Variants in GBP2 observed in about 807,000 individuals in gnomAD.
GBP2 encodes guanylate-binding protein 2.
A neutral mutation model predicts 60.8 loss-of-function variants in GBP2; 54 were observed. The observed-to-expected ratio is 0.89, with a 90% CI of 0.71 to 1.11. The LOEUF (loss-of-function observed/expected upper bound fraction) is 1.11, where lower values mean the gene tolerates loss of function less well. Ranked by LOEUF, GBP2 falls within the 50% of genes most tolerant of loss-of-function variation. The probability of loss-of-function intolerance (pLI) is 0.00; values close to 1 mark genes in which losing one functional copy is unlikely to be tolerated. For synonymous variants in GBP2, 243 were observed against 256.5 expected (o/e 0.95, Z 0.50); for missense variants, 665 against 703.3 (o/e 0.95, Z 0.62).
Position 89,110,248 on chromosome 1 carries a change from T to C in GBP2, c.1381A>G (p.Lys461Glu), listed in dbSNP as rs1681136639. The change falls in exon 9 of 11, where the codon AAA (lysine) becomes GAA (glutamate). Residue 461 changes from lysine to glutamate, a missense_variant. Transcript: ENST00000370466. ...ACATCCTCCTTGGACTCCAAATATT[T>C]TTTCAGCACCTCTTTGGCCTGGTTA... ...KGIQAKEVLK[K>E]YLESKEDVAD... 1 of 1,613,446 alleles carries C rather than the reference T, an allele frequency of 6.2e-7. No individual in the cohort carries two copies. Among genetic ancestry groups the C allele is most frequent in the Non-Finnish European group, 8.5e-7 (1 of 1,179,626 alleles).
chr1:89,115,265 G>A (rs1339590221), intron 6 of GBP2, among the ~76,000 whole-genome samples: 1 of 152,076 alleles, frequency 6.6e-6, no homozygotes, highest in Non-Finnish European at 1.5e-5. Context: ...TTCGGATCTT[G>A]TCCATTTTCA....
chr1:89,114,081 C>CCT lies in GBP2; in HGVS notation c.1082_1083dup (p.Ala362ArgfsTer7), dbSNP rs1681220263. On this transcript the variant is annotated frameshift_variant, in exon 7 of 11. Coordinates refer to ENST00000370466, the MANE Select transcript of GBP2 (RefSeq NM_004120.5). LOFTEE classifies it high-confidence loss of function. ...GAGTTCTTCATGAAGACTTCAATGG[C>CCT]CTCTCTCTCACTGTCCCTGTGCAGG... The CCT allele has an allele frequency of 1.9e-6, 3 of 1,614,092 alleles. No homozygotes were observed. Among genetic ancestry groups the CCT allele is most frequent in the Non-Finnish European group, 2.5e-6 (3 of 1,180,048 alleles).
chr1:89,108,383 A>G (rs1681096336), intron 10 of GBP2, 92 bp from the exon 11 acceptor site: 1 of 711,972 alleles, frequency 1.4e-6, no homozygotes, highest in African/African-American at 1.8e-5. Flanking sequence ...TCCTTCAAGA[A>G]TTTTTGACTA....
Position 89,117,641 on chromosome 1 carries a change from C to T in GBP2, c.561G>A (p.Leu187=). ...CAGTGATGGGTTCTCCATCTACTTC[C>T]AGTTCCAGGGTGAAATCTCTGAGAG... ...VWTLRDFTLE[L]EVDGEPITAD... Residue 187 remains leucine, a synonymous_variant, in exon 5 of 11, where the codon CTG becomes CTA. Transcript: ENST00000370466. 6.2e-7 allele frequency: 1 copy of T among 1,614,114 alleles called. No individual in the cohort carries two copies.
intron 1 of GBP2, among the ~76,000 whole-genome samples, chr1:89,122,458 A>G (rs911912042): frequency 6.6e-6 from 1 of 152,104 alleles, no homozygotes; most frequent in Non-Finnish European, 1.5e-5. Flanking sequence ...TGTCTTTGAC[A>G]TTTTAGAAGT....
chr1:89,124,008 G>C (rs1681462839), intron 1 of GBP2, among the ~76,000 whole-genome samples: 1 of 152,114 alleles, frequency 6.6e-6, no homozygotes, highest in Non-Finnish European at 1.5e-5. Context: ...CCAACAAAAA[G>C]ATCACATCAC....
Position 89,112,666 on chromosome 1 carries a change from G to C in GBP2, c.1168C>G (p.Arg390Gly), listed in dbSNP as rs1160898521. The C allele has an allele frequency of 1.2e-6, 2 of 1,613,868 alleles. No individual in the cohort carries two copies. The highest frequency in any genetic ancestry group is 1.7e-6 in the Non-Finnish European group (2 of 1,179,926). Residue 390 changes from arginine (R) to glycine (G), a missense_variant, in exon 8 of 11, where the codon CGA becomes GGA. Transcript: ENST00000370466. ...GAATTCTGCTTACAAAAGTCATCTC[G>C]CCTTGCTTCCAACTGGGCCTGTGAA... ...RKLGAQLEAR[R>G]DDFCKQNSKA... is the part of the protein sequence containing the mutation.
In GBP2 at chr1:89,108,194, G is replaced by A. The variant is rs1280416987; in HGVS notation, c.1757C>T (p.Pro586Leu). 2.5e-6 allele frequency: 4 copies of A among 1,608,938 alleles called. No homozygotes were observed. The highest frequency in any genetic ancestry group is 3.4e-6 in the Non-Finnish European group (4 of 1,176,074). The change falls in exon 11 of 11, where the codon CCA (proline) becomes CTA (leucine). Residue 586 changes from proline (P) to leucine (L), a missense_variant. By Grantham distance (98) the Pro-to-Leu change is moderately conservative. Coordinates refer to ENST00000370466, the MANE Select transcript of GBP2 (RefSeq NM_004120.5). ...GGACTTTTAGAGTATGTTACATATT[G>A]GCTCCAATGATTTGCTTCTCATCTG... Reference protein sequence around the residue: ...DIQMRSKSLEPICNIL With the variant: ...DIQMRSKSLELICNIL
In GBP2 at chr1:89,108,281, C is replaced by T. The variant is rs200077424; in HGVS notation, c.1670G>A (p.Arg557His). Residue 557 changes from arginine to histidine, a missense_variant, in exon 11 of 11, where the codon CGC becomes CAC. Arg to His is a conservative substitution (Grantham distance 29). Transcript: ENST00000370466. The stretch of plus-strand genomic sequence containing the variant: ...ATTCTCGAATCCCTCCTTGAGAAGG[C>T]GTTCCTGTTCCTAAAAGGGAAAGTG... ...TLALKLQEQE[R>H]LLKEGFENES... The T allele has an allele frequency of 2.4e-5, 39 of 1,606,480 alleles. 1 individual carries two copies. The Middle Eastern group carries it at 4.9e-4, about 20-fold the overall frequency.
intron 6 of GBP2, among the ~76,000 whole-genome samples, chr1:89,116,727 G>A (rs999950472): frequency 1.3e-5 from 2 of 151,996 alleles, no homozygotes; most frequent in African/African-American, 4.8e-5. Context: ...GATAAAGAGG[G>A]AGCTGAGAAG....
intron 1 of GBP2, among the ~76,000 whole-genome samples, chr1:89,124,282 G>A (rs1261489753): frequency 6.6e-6 from 1 of 152,168 alleles, no homozygotes; most frequent in African/African-American, 2.4e-5. Context: ...AGGTCAAAAG[G>A]TAAGAGCATT....
intron 7 of GBP2, chr1:89,113,002 C>T (rs1681194335): frequency 3.0e-6 from 1 of 330,598 alleles, no homozygotes; most frequent in African/African-American, 2.2e-5. Flanking sequence ...GTTCTGAGCA[C>T]AAACACTGGA....
At chr1:89,118,798 T>C (rs190202459) in intron 4 of GBP2, 2 of 152,344 alleles carry the variant, frequency 1.3e-5, no homozygotes, top group Admixed American at 1.3e-4. Flanking sequence ...AGATGATTCC[T>C]AAGTTTTTGA....
chr1:89,123,046 A>G (rs78594840), intron 1 of GBP2, among the ~76,000 whole-genome samples: 3,026 of 152,154 alleles, frequency 0.02, 37 homozygotes, highest in Middle Eastern at 0.065. Flanking sequence ...TCATTGCTCA[A>G]CTCGTCCCAG....
At position 89,110,221 on chromosome 1, in the gene GBP2, C is replaced by T; in HGVS notation, c.1408G>A (p.Ala470Thr). ...KKYLESKEDV[A>T]DALLQTDQSL... ...TGATCAGTCTGTAGAAGTGCATCAG[C>T]CACATCCTCCTTGGACTCCAAATAT... Residue 470 changes from alanine to threonine, a missense_variant, in exon 9 of 11, where the codon GCT becomes ACT. Ala to Thr is a moderately conservative substitution (Grantham distance 58, BLOSUM62 0). Coordinates refer to ENST00000370466, the MANE Select transcript of GBP2 (RefSeq NM_004120.5). 3.1e-6 allele frequency: 5 copies of T among 1,613,874 alleles called. No individual in the cohort carries two copies. Among genetic ancestry groups the T allele is most frequent in the Non-Finnish European group, 4.2e-6 (5 of 1,179,908 alleles).
chr1:89,106,194 A>G lies in GBP2; in HGVS notation c.*1981T>C, dbSNP rs1243825040. On this transcript the variant is annotated 3_prime_UTR_variant, in exon 11 of 11. Transcript: ENST00000370466. The stretch of plus-strand genomic sequence containing the variant: ...ACTATTCATTTATCTGAGAGTGACT[A>G]ATGAACAAACAGGAAAGAAATGTTC... 6.6e-6 allele frequency: 1 copy of G among 152,148 alleles called. No individual in the cohort carries two copies. The highest frequency in any genetic ancestry group is 1.9e-4 in the East Asian group (1 of 5,202). The allele number at this position is 152,148 out of a possible 1,614,324, so 9.4% of individuals were successfully genotyped here.
intron 3 of GBP2, among the ~76,000 whole-genome samples, chr1:89,120,615 A>G (rs1023493828): frequency 6.6e-6 from 1 of 152,220 alleles, no homozygotes; most frequent in Non-Finnish European, 1.5e-5. Context: ...GGCACATCAT[A>G]GTAAGATATT....
Position 89,108,196 on chromosome 1 carries a change from C to T in GBP2, c.1755G>A (p.Glu585=), listed in dbSNP as rs1681091807. The T allele has an allele frequency of 1.2e-6, 2 of 1,610,106 alleles. No homozygotes were observed. The highest frequency in any genetic ancestry group is 1.3e-5 in the African/African-American group (1 of 74,968). ...WDIQMRSKSL[E]PICNIL is the part of the protein sequence containing the mutation. Reference sequence around the variant, plus strand: ...ACTTTTAGAGTATGTTACATATTGGCTCCAATGATTTGCTTCTCATCTGGA... The same window carrying T: ...ACTTTTAGAGTATGTTACATATTGGTTCCAATGATTTGCTTCTCATCTGGA... Residue 585 remains glutamate, a synonymous_variant, in exon 11 of 11, where the codon GAG becomes GAA. Coordinates refer to ENST00000370466, the MANE Select transcript of GBP2 (RefSeq NM_004120.5).
At chr1:89,108,703 T>G (rs969007332) in intron 10 of GBP2, among the ~76,000 whole-genome samples, 1 of 152,150 alleles carries the variant, frequency 6.6e-6, no homozygotes, top group African/African-American at 2.4e-5. Context: ...GGGCAAGTGT[T>G]TGATCAGGGA....
Sources: allele counts gnomAD v4.1 joint callset (sites outside exome capture counted in the v4.1 genomes callset), GRCh38; gene constraint gnomAD v4.1.1; transcripts MANE v1.5; gene names NCBI Gene and HGNC (gene_info 2026-07-23, HGNC 2026-07-21).